The following SLC28A1 variants were observed in gnomAD, a reference collection of about 807,000 sequenced individuals.
SLC28A1 encodes solute carrier family 28 member 1, also known as sodium/nucleoside cotransporter 1.
SLC28A1 carries 64 observed loss-of-function variants against 74.8 expected under a neutral mutation model. The ratio of observed to expected loss-of-function variants is 0.86; its 90% CI spans 0.70 to 1.05. The LOEUF (loss-of-function observed/expected upper bound fraction) is 1.05, where lower values mean the gene tolerates loss of function less well. SLC28A1 is among the 50% of genes least tolerant of loss of function. The pLI is 0.00. For synonymous variants in SLC28A1, 359 were observed against 335.0 expected (o/e 1.07, Z -0.78); for missense variants, 828 against 822.8 (o/e 1.01, Z -0.08).
At chr15:84,961,178 G>A in the SLC28A1 span, among the ~76,000 whole-genome samples, 6 of 152,162 alleles carry the variant, frequency 3.9e-5, no homozygotes, top group African/African-American at 1.2e-4. Flanking sequence ...CTGAATGCAA[G>A]GCCGTGCTCT....
chr15:84,949,560 G>A (rs559747196), downstream of SLC28A1, among the ~76,000 whole-genome samples: 55 of 125,050 alleles, frequency 4.4e-4, no homozygotes, highest in African/African-American at 1.7e-3. Flanking sequence ...CACCATGCCC[G>A]GCTAATTTTT....
chr15:84,973,363 T>G, the SLC28A1 span, among the ~76,000 whole-genome samples: 1 of 152,226 alleles, frequency 6.6e-6, no homozygotes, highest in African/African-American at 2.4e-5. Flanking sequence ...CAAGCATAGT[T>G]AGTTCTGACT....
At chr15:84,887,346 C>T (rs1964712932) in intron 2 of SLC28A1, 1 of 985,330 alleles carries the variant, frequency 1.0e-6, no homozygotes, top group Non-Finnish European at 1.2e-6. Flanking sequence ...GCTGTTTCTG[C>T]CTGGAACTCC....
chr15:84,919,144 A>G lies in SLC28A1; in HGVS notation c.876+540A>G, dbSNP rs552091607. On this transcript the variant is annotated intron_variant, in intron 10 of 18. Coordinates refer to ENST00000394573, the MANE Select transcript of SLC28A1 (RefSeq NM_004213.5). Reference sequence around the variant, plus strand: ...ACTGAAAAGGTGTAGAGGGAAGAAAATAATTTATACCGAAAAGATATTGAG... The same window carrying G: ...ACTGAAAAGGTGTAGAGGGAAGAAAGTAATTTATACCGAAAAGATATTGAG... 2.6e-5 allele frequency among the ~76,000 whole-genome samples: 4 copies of G among 152,330 alleles called. No individual in the cohort carries two copies. In the South Asian group the frequency reaches 8.3e-4, roughly 32 times the overall value.
intron 9 of SLC28A1, 121 bp downstream of exon 9, chr15:84,908,916 G>GC: frequency 1.2e-6 from 1 of 806,900 alleles, no homozygotes; most frequent in South Asian, 1.4e-5. Flanking sequence ...GGCAGAGGTC[G>GC]CCGTACTGGG....
chr15:84,942,894 T>C (rs958924680), intron 15 of SLC28A1, among the ~76,000 whole-genome samples: 6 of 152,084 alleles, frequency 3.9e-5, no homozygotes, highest in African/African-American at 1.2e-4. Flanking sequence ...ATTAAAAGGT[T>C]GAAGGACAGG....
chr15:84,904,102 T>C lies in SLC28A1; in HGVS notation c.467T>C (p.Leu156Pro). The change falls in exon 7 of 19, where the codon CTA becomes CCA. Residue 156 changes from leucine to proline, a missense_variant. Around this residue, in one of 3 missense-constraint regions of SLC28A1, gnomAD observed 767 missense variants for 753.5 expected, o/e 1.02. Transcript: ENST00000394573. ...PRLLLWFKRG[L>P]ALAAFLGLVL... ...TTTCTGTCTCTTGCCTGCAGGGGTC[T>C]AGCTCTTGCTGCTTTCCTGGGCCTG... 1 of 1,614,234 alleles carries C rather than the reference T, an allele frequency of 6.2e-7. No individual in the cohort carries two copies. The highest frequency in any genetic ancestry group is 8.5e-7 in the Non-Finnish European group (1 of 1,180,038).
chr15:84,923,898 C>A (rs1336234927), intron 11 of SLC28A1, 87 bp from the exon 12 acceptor site: 1 of 1,581,712 alleles, frequency 6.3e-7, no homozygotes, highest in Non-Finnish European at 8.7e-7. Flanking sequence ...TACCGTGGGA[C>A]TCCCAGCTGC....
chr15:84,928,609 T>C (rs1489114131), intron 12 of SLC28A1, among the ~76,000 whole-genome samples: 14 of 43,756 alleles, frequency 3.2e-4, no homozygotes, highest in Admixed American at 9.1e-4. Flanking sequence ...TTTCTTTTCT[T>C]TCTTTCTTTT....
At chr15:84,898,716 A>T (rs929131296) in intron 6 of SLC28A1, among the ~76,000 whole-genome samples, 1 of 152,204 alleles carries the variant, frequency 6.6e-6, no homozygotes, top group African/African-American at 2.4e-5. Context: ...TAGATGTTGG[A>T]CATCAGGCAA....
chr15:84,943,297 A>G (rs1038495857), intron 15 of SLC28A1, 148 bp from the exon 16 acceptor site: 4 of 676,590 alleles, frequency 5.9e-6, no homozygotes, highest in Non-Finnish European at 1.1e-5. Context: ...GTGGGATTGC[A>G]AGGCTGGGGA....
chr15:84,895,781 TA>T (rs1450147542), intron 6 of SLC28A1: 65 of 1,180,144 alleles, frequency 5.5e-5, no homozygotes, highest in Middle Eastern at 3.7e-4. Context: ...TTCTATGGCT[TA>T]AAAAAAAGTC....
intron 9 of SLC28A1, 103 bp downstream of exon 9, chr15:84,908,898 G>GGAT: frequency 1.1e-6 from 1 of 947,348 alleles, no homozygotes; most frequent in Admixed American, 1.8e-5. Flanking sequence ...GAGGGGAGGA[G>GGAT]TCCTGTGGGC....
chr15:84,945,227 C>T lies in SLC28A1; in HGVS notation c.*27C>T. On this transcript the variant is annotated 3_prime_UTR_variant, in exon 19 of 19. Coordinates refer to ENST00000394573, the MANE Select transcript of SLC28A1 (RefSeq NM_004213.5). Reference sequence around the variant, plus strand: ...GACAGAACATGCTTGTGCTTCTGCGCTTCTGAGGGCTGTTCTCCCCCGGGA... The same window carrying T: ...GACAGAACATGCTTGTGCTTCTGCGTTTCTGAGGGCTGTTCTCCCCCGGGA... 1 of 1,603,698 alleles carries T rather than the reference C, an allele frequency of 6.2e-7. No individual in the cohort carries two copies. The highest frequency in any genetic ancestry group is 8.5e-7 in the Non-Finnish European group (1 of 1,170,536).
At chr15:84,889,445 T>C (rs1965016194) in intron 4 of SLC28A1, among the ~76,000 whole-genome samples, 1 of 152,048 alleles carries the variant, frequency 6.6e-6, no homozygotes, top group Middle Eastern at 3.4e-3. Flanking sequence ...GGGCAGGGGA[T>C]ATGGGAAGAA....
intron 6 of SLC28A1, among the ~76,000 whole-genome samples, chr15:84,901,750 T>G (rs1187566578): frequency 2.0e-5 from 3 of 152,232 alleles, no homozygotes; most frequent in African/African-American, 7.2e-5. Flanking sequence ...CTGAAATTTT[T>G]ATATACTGCT....
At chr15:84,905,754 G>T (rs1967002050) in intron 8 of SLC28A1, 102 bp downstream of exon 8, 1 of 911,218 alleles carries the variant, frequency 1.1e-6, no homozygotes, top group Non-Finnish European at 1.8e-6. Context: ...CCATAGAGAA[G>T]GCTTGGGACC....
At chr15:84,942,077 ATATT>A (rs1972785890) in intron 15 of SLC28A1, among the ~76,000 whole-genome samples, 1 of 152,098 alleles carries the variant, frequency 6.6e-6, no homozygotes, top group Non-Finnish European at 1.5e-5. Flanking sequence ...TAAAATATTA[ATATT>A]TATCTAGAAT....
At chr15:84,901,055 C>T (rs748370081) in intron 6 of SLC28A1, among the ~76,000 whole-genome samples, 3 of 151,880 alleles carry the variant, frequency 2.0e-5, no homozygotes, top group Non-Finnish European at 4.4e-5. Flanking sequence ...AACCCTGTCT[C>T]TACTAAAAAT....
Sources: allele counts gnomAD v4.1 joint callset (sites outside exome capture counted in the v4.1 genomes callset), GRCh38; gene constraint gnomAD v4.1.1; regional missense constraint gnomAD v4.1.1; transcripts MANE v1.5; gene names NCBI Gene and HGNC (gene_info 2026-07-23, HGNC 2026-07-21).